KAZN: variants seen among roughly 807,000 people sequenced by gnomAD.
The protein encoded by KAZN is kazrin, periplakin interacting protein.
KAZN carries 40 observed loss-of-function variants against 87.4 expected under a neutral mutation model. That is an observed-to-expected ratio of 0.46 (90% CI 0.36 to 0.60). The LOEUF (loss-of-function observed/expected upper bound fraction) is 0.60, where lower values mean the gene tolerates loss of function less well. Among genes scored for constraint, KAZN ranks in the 20% least tolerant of loss-of-function variants. KAZN has a pLI of 0.00. For missense variants in KAZN, 898 were observed against 1,073.9 expected (o/e 0.84, Z 2.29); for synonymous variants, 466 against 458.3 (o/e 1.02, Z -0.22).
At position 15,096,321 on chromosome 1, in the gene KAZN, C is replaced by A. The variant is rs74589332; in HGVS notation, c.1547+1388C>A. On this transcript the variant is annotated intron_variant, in intron 10 of 14. Coordinates refer to ENST00000376030, the MANE Select transcript of KAZN (RefSeq NM_201628.3). This position sits in a 1 kb window ranked among gnomAD's most constrained non-coding sequence, Gnocchi z 4.5. ...AATGGGGATAAGCTTTTCTTCTTTT[C>A]TTTTCATAGATTACTTTTGTAGTGG... Among the ~76,000 whole-genome samples, 293 of 152,314 alleles carry A rather than the reference C, an allele frequency of 1.9e-3. 4 individuals carry two copies. In the East Asian group the frequency reaches 0.045, roughly 24 times the overall value.
intron 3 of KAZN, 110 bp from the exon 4 acceptor site, chr1:15,043,879 G>A (rs1378821760): frequency 6.3e-6 from 7 of 1,110,798 alleles, no homozygotes; most frequent in East Asian, 2.7e-5. Flanking sequence ...TCCTGACCTC[G>A]TGACCCCACT....
At chr1:13,918,167 A>T (rs1639930551) in intron 1 of KAZN, among the ~76,000 whole-genome samples, 2 of 152,204 alleles carry the variant, frequency 1.3e-5, no homozygotes, top group Admixed American at 1.3e-4. Context: ...GATTCCTCTG[A>T]TGGATCTGGG....
intron 2 of KAZN, among the ~76,000 whole-genome samples, chr1:14,585,693 AC>A (rs1216082028): frequency 7.2e-5 from 11 of 152,202 alleles, no homozygotes; most frequent in African/African-American, 2.7e-4. Flanking sequence ...GATGGGTAAT[AC>A]TATGAATGGG....
chr1:15,055,738 C>A (rs529861584), intron 4 of KAZN, among the ~76,000 whole-genome samples: 12 of 152,274 alleles, frequency 7.9e-5, no homozygotes, highest in East Asian at 7.7e-4. Flanking sequence ...GTAAGCAGTG[C>A]CCCCTAGAGT....
At chr1:14,575,645 A>G (rs188840780) in intron 2 of KAZN, among the ~76,000 whole-genome samples, 54 of 152,336 alleles carry the variant, frequency 3.5e-4, no homozygotes, top group Non-Finnish European at 6.2e-4. Flanking sequence ...ACAAGTAACC[A>G]GCACTTGAAC....
intron 1 of KAZN, among the ~76,000 whole-genome samples, chr1:14,152,739 A>G (rs1645503093): frequency 6.6e-6 from 1 of 152,164 alleles, no homozygotes; most frequent in African/African-American, 2.4e-5. Context: ...TAGTAGCTCT[A>G]ATTTTAGTTT....
chr1:14,791,322 A>G (rs55892407), intron 1 of KAZN, among the ~76,000 whole-genome samples: 17,019 of 152,148 alleles, frequency 0.11, 1,612 homozygotes, highest in African/African-American at 0.22. Context: ...CTGAGTCGCC[A>G]ACACCTGCAC....
At chr1:14,867,428 G>A (rs111718371) in intron 1 of KAZN, among the ~76,000 whole-genome samples, 2 of 152,176 alleles carry the variant, frequency 1.3e-5, no homozygotes, top group Non-Finnish European at 2.9e-5. Flanking sequence ...TCTGGCCATG[G>A]TGCTGATGAT....
At chr1:14,998,055 C>T (rs989485219) in intron 2 of KAZN, among the ~76,000 whole-genome samples, 2 of 151,920 alleles carry the variant, frequency 1.3e-5, no homozygotes, top group East Asian at 1.9e-4. Flanking sequence ...GGCAGGAAGT[C>T]GAACTGTGGG....
intron 6 of KAZN, 188 bp from the exon 7 acceptor site, chr1:15,063,384 G>C: frequency 1.6e-6 from 1 of 619,434 alleles, no homozygotes; most frequent in African/African-American, 1.8e-5. Flanking sequence ...GAAACTCCAG[G>C]CCCCATCAAT....
chr1:14,335,760 C>CACAG (rs939226545), intron 2 of KAZN, among the ~76,000 whole-genome samples: 4 of 149,304 alleles, frequency 2.7e-5, no homozygotes, highest in African/African-American at 9.8e-5. Flanking sequence ...CACACACACA[C>CACAG]AGAGAGAGAG....
intron 2 of KAZN, among the ~76,000 whole-genome samples, chr1:14,469,826 G>C (rs1668356178): frequency 6.6e-6 from 1 of 152,160 alleles, no homozygotes; most frequent in African/African-American, 2.4e-5. Context: ...TGGAAGATTT[G>C]GGACTAACCT....
intron 1 of KAZN, among the ~76,000 whole-genome samples, chr1:14,015,542 G>A (rs6703212): frequency 0.029 from 3,450 of 119,490 alleles, 172 homozygotes; most frequent in African/African-American, 0.097. Context: ...GTGCAATGGC[G>A]CGATCTCAGC....
intron 1 of KAZN, among the ~76,000 whole-genome samples, chr1:14,733,984 C>G (rs995831716): frequency 6.6e-6 from 1 of 152,210 alleles, no homozygotes; most frequent in African/African-American, 2.4e-5. Context: ...TTCGGCCCTT[C>G]CCTCTGCCCA....
intron 2 of KAZN, among the ~76,000 whole-genome samples, chr1:14,245,959 A>T (rs1317768909): frequency 1.3e-5 from 2 of 152,218 alleles, no homozygotes; most frequent in Non-Finnish European, 2.9e-5. Flanking sequence ...ACTGAATTTT[A>T]AAAATGTGGT....
chr1:14,155,769 C>T (rs1458815980), intron 1 of KAZN, among the ~76,000 whole-genome samples: 1 of 152,114 alleles, frequency 6.6e-6, no homozygotes, highest in Non-Finnish European at 1.5e-5. Flanking sequence ...CATGTCTCAG[C>T]CTCCTGAGTA....
chr1:14,173,153 ATTATCT>A (rs1645992396), intron 1 of KAZN, among the ~76,000 whole-genome samples: 1 of 152,166 alleles, frequency 6.6e-6, no homozygotes, highest in Non-Finnish European at 1.5e-5. Context: ...AAAATTTAAG[ATTATCT>A]TTAATGTGCA....
intron 1 of KAZN, among the ~76,000 whole-genome samples, chr1:14,715,180 C>T (rs1403045595): frequency 6.6e-6 from 1 of 152,216 alleles, no homozygotes; most frequent in East Asian, 1.9e-4. Context: ...GATCCTCCCA[C>T]CTTGGCTGAG....
chr1:14,304,696 T>G (rs1654795602), intron 2 of KAZN: 1 of 398,240 alleles, frequency 2.5e-6, no homozygotes, highest in Non-Finnish European at 4.4e-6. Context: ...GGGGTACATC[T>G]GAGTTTCGTA....
Sources: allele counts gnomAD v4.1 joint callset (sites outside exome capture counted in the v4.1 genomes callset), GRCh38; gene constraint gnomAD v4.1.1; non-coding constraint Gnocchi (gnomAD v3.1); transcripts MANE v1.5; gene names NCBI Gene and HGNC (gene_info 2026-07-23, HGNC 2026-07-21).